ARHGEF3: variants seen among roughly 807,000 people sequenced by gnomAD.
ARHGEF3 encodes 59.8 kDA protein.
In ARHGEF3, 28 loss-of-function variants were observed where a neutral mutation model predicts 63.2. The ratio of observed to expected loss-of-function variants is 0.44; its 90% CI spans 0.33 to 0.61. The LOEUF (loss-of-function observed/expected upper bound fraction) is 0.61. Ranked by LOEUF, ARHGEF3 falls within the 20% of genes least tolerant of loss-of-function variation. The probability of loss-of-function intolerance (pLI) is 0.03; values close to 1 mark genes in which losing one functional copy is unlikely to be tolerated. For synonymous variants in ARHGEF3, 266 were observed against 254.2 expected, an observed-to-expected ratio of 1.05 and a Z score of -0.44; for missense variants, 533 against 659.3, an observed-to-expected ratio of 0.81 and a Z score of 2.10.
intron 1 of ARHGEF3, among the ~76,000 whole-genome samples, chr3:57,047,586 C>T (rs912741919): frequency 1.3e-5 from 2 of 152,080 alleles, no homozygotes; most frequent in African/African-American, 4.8e-5. Context: ...AAGCAAAGAG[C>T]CCAGCACAGT....
At chr3:56,795,655 C>CTTTTTTTTTTTTTTTTTTTT (rs11306302) in intron 1 of ARHGEF3, among the ~76,000 whole-genome samples, 1 of 130,544 alleles carries the variant, frequency 7.7e-6, no homozygotes, top group East Asian at 2.6e-4. Context: ...GTCTCTCTCT[C>CTTTTTTTTTTTTTTTTTTTT]TTTTTTTTTT....
chr3:56,835,428 G>A (rs950744433), intron 4 of ARHGEF3, among the ~76,000 whole-genome samples: 8 of 151,780 alleles, frequency 5.3e-5, no homozygotes, highest in Non-Finnish European at 1.0e-4. Flanking sequence ...CACCCGCCTC[G>A]GCCTCCCAAA....
At chr3:56,995,690 C>A (rs181517728) in intron 2 of ARHGEF3, among the ~76,000 whole-genome samples, 6 of 141,828 alleles carry the variant, frequency 4.2e-5, no homozygotes, top group African/African-American at 1.1e-4. Context: ...TTAACCTGGT[C>A]TCAATTTGAG....
chr3:56,982,624 C>T (rs1004942222), intron 2 of ARHGEF3, among the ~76,000 whole-genome samples: 1 of 152,130 alleles, frequency 6.6e-6, no homozygotes, highest in Non-Finnish European at 1.5e-5. Flanking sequence ...CTACTTTGTT[C>T]GCTGCTATAA....
intron 1 of ARHGEF3, among the ~76,000 whole-genome samples, chr3:57,054,476 G>GA (rs368357673): frequency 0.084 from 10,703 of 126,858 alleles, 622 homozygotes; most frequent in East Asian, 0.3. Flanking sequence ...CAAAAAATAC[G>GA]AAAAAAAAAA....
chr3:56,888,943 A>AGG (rs774919007), intron 3 of ARHGEF3, among the ~76,000 whole-genome samples: 7 of 152,076 alleles, frequency 4.6e-5, no homozygotes, highest in Non-Finnish European at 1.5e-5. Context: ...AAAAATGACC[A>AGG]GGGGGTCCCT....
chr3:56,901,450 T>C (rs1263147369), intron 3 of ARHGEF3, among the ~76,000 whole-genome samples: 1 of 151,792 alleles, frequency 6.6e-6, no homozygotes, highest in Admixed American at 6.6e-5. Flanking sequence ...ATACTGTATA[T>C]ATATATATAC....
At position 56,882,607 on chromosome 3, in the gene ARHGEF3, C is replaced by T. The variant is rs146367337; in HGVS notation, c.130-253G>A. ...GATCTTGGCTCACTGCAACCTCTGC[C>T]TCCTCGGTTCAAGCGATTCTCCTGC... On this transcript the variant is annotated intron_variant, in intron 3 of 12. Coordinates refer to the ARHGEF3 transcript ENST00000338458. Among the ~76,000 whole-genome samples the T allele has an allele frequency of 3.0e-3, 451 of 150,670 alleles. 2 individuals are homozygous for T. The highest frequency in any genetic ancestry group is 0.01 in the African/African-American group (425 of 40,944).
intron 4 of ARHGEF3, among the ~76,000 whole-genome samples, chr3:56,807,939 C>T (rs1244042806): frequency 6.6e-6 from 1 of 152,052 alleles, no homozygotes; most frequent in African/African-American, 2.4e-5. Flanking sequence ...GCCTGACCAA[C>T]ATGGTGAAAC....
At chr3:57,032,107 T>C (rs1464471376) in intron 2 of ARHGEF3, among the ~76,000 whole-genome samples, 1 of 152,120 alleles carries the variant, frequency 6.6e-6, no homozygotes, top group Admixed American at 6.5e-5. Context: ...GTGAAGTACT[T>C]CCTCTCCCTG....
intron 3 of ARHGEF3, among the ~76,000 whole-genome samples, chr3:56,907,897 G>A (rs1198058935): frequency 6.6e-6 from 1 of 152,074 alleles, no homozygotes; most frequent in East Asian, 1.9e-4. Context: ...AGGGAGGATT[G>A]GGAAAAATAA....
intron 4 of ARHGEF3, among the ~76,000 whole-genome samples, chr3:56,855,145 G>A (rs2039823642): frequency 6.6e-6 from 1 of 152,028 alleles, no homozygotes; most frequent in African/African-American, 2.4e-5. Context: ...TGAGGTGGGT[G>A]GAGAGGAGGG....
At chr3:56,913,682 G>A (rs2041913838) in intron 3 of ARHGEF3, among the ~76,000 whole-genome samples, 1 of 152,154 alleles carries the variant, frequency 6.6e-6, no homozygotes, top group South Asian at 2.1e-4. Context: ...ACTGAAAGCA[G>A]GTGGCAGGAA....
chr3:56,881,879 T>C (rs1011908984), intron 4 of ARHGEF3, among the ~76,000 whole-genome samples: 7 of 152,226 alleles, frequency 4.6e-5, no homozygotes, highest in Non-Finnish European at 7.3e-5. Context: ...CTCACTCCAC[T>C]ATGCTTCTGG....
At chr3:56,952,744 A>G (rs1699868747) in intron 3 of ARHGEF3, among the ~76,000 whole-genome samples, 1 of 152,202 alleles carries the variant, frequency 6.6e-6, no homozygotes, top group South Asian at 2.1e-4. Flanking sequence ...AATTACCATT[A>G]CAAAGTTGGG....
At chr3:56,827,322 T>C (rs2038757667) in intron 4 of ARHGEF3, among the ~76,000 whole-genome samples, 1 of 152,162 alleles carries the variant, frequency 6.6e-6, no homozygotes, top group African/African-American at 2.4e-5. Context: ...TGTTACAACA[T>C]CACAAGGAGC....
chr3:56,773,886 C>A (rs113542262), intron 1 of ARHGEF3, 70 bp from the exon 2 acceptor site: 13 of 1,262,768 alleles, frequency 1.0e-5, no homozygotes, highest in Non-Finnish European at 1.4e-5. Context: ...CTCCATCATA[C>A]AACTGTGTTC....
intron 4 of ARHGEF3, among the ~76,000 whole-genome samples, chr3:56,847,549 T>C (rs1233043114): frequency 6.6e-6 from 1 of 152,192 alleles, no homozygotes; most frequent in Non-Finnish European, 1.5e-5. Context: ...GAGAAGTCTT[T>C]AAGAGCATTT....
At chr3:56,896,352 T>C (rs1203612598) in intron 3 of ARHGEF3, among the ~76,000 whole-genome samples, 2 of 152,226 alleles carry the variant, frequency 1.3e-5, no homozygotes, top group African/African-American at 4.8e-5. Flanking sequence ...GCAGACATTA[T>C]GTCCCTTTAG....
Sources: allele counts gnomAD v4.1 joint callset (sites outside exome capture counted in the v4.1 genomes callset), GRCh38; gene constraint gnomAD v4.1.1; transcripts MANE v1.5; gene names NCBI Gene and HGNC (gene_info 2026-07-23, HGNC 2026-07-21).